Variants in CNTNAP2 observed in about 807,000 individuals in gnomAD.
CNTNAP2 encodes the protein contactin-associated protein-like 2.
Under a neutral mutation model 155.2 loss-of-function variants are expected in CNTNAP2, and 98 were observed. The observed-to-expected ratio is 0.63, with a 90% CI of 0.54 to 0.75. CNTNAP2 has a LOEUF of 0.75. Among genes scored for constraint, CNTNAP2 ranks in the 30% least tolerant of loss-of-function variants. The pLI, the probability that CNTNAP2 is intolerant of heterozygous loss-of-function variation, is 0.00. For synonymous variants in CNTNAP2, 651 were observed against 631.2 expected (o/e 1.03, Z -0.47); for missense variants, 1,727 against 1,688.1 (o/e 1.02, Z -0.40).
intron 15 of CNTNAP2, among the ~76,000 whole-genome samples, chr7:148,027,738 A>G (rs930747387): frequency 6.6e-6 from 1 of 152,232 alleles, no homozygotes; most frequent in Non-Finnish European, 1.5e-5. Flanking sequence ...TATTTTGATT[A>G]TACATGGTCA....
At chr7:146,431,561 G>T (rs1278567027) in intron 1 of CNTNAP2, among the ~76,000 whole-genome samples, 1 of 151,898 alleles carries the variant, frequency 6.6e-6, no homozygotes, top group Non-Finnish European at 1.5e-5. Context: ...TATTTGCCAG[G>T]CATATTTCTA....
chr7:146,853,179 G>C (rs929434471), intron 3 of CNTNAP2, among the ~76,000 whole-genome samples: 1 of 152,142 alleles, frequency 6.6e-6, no homozygotes, highest in African/African-American at 2.4e-5. Flanking sequence ...CACATGATAT[G>C]TTAAATAAAA....
intron 21 of CNTNAP2, among the ~76,000 whole-genome samples, chr7:148,285,885 A>G (rs1462475313): frequency 6.6e-6 from 1 of 152,228 alleles, no homozygotes; most frequent in Non-Finnish European, 1.5e-5. Flanking sequence ...TTGGCTTTTC[A>G]GAAACTTACT....
At chr7:146,415,689 AG>A (rs1795928414) in intron 1 of CNTNAP2, among the ~76,000 whole-genome samples, 1 of 151,260 alleles carries the variant, frequency 6.6e-6, no homozygotes, top group Non-Finnish European at 1.5e-5. Context: ...CTTCCTTATA[AG>A]TTTAAAAAAA....
intron 1 of CNTNAP2, among the ~76,000 whole-genome samples, chr7:146,622,006 C>T (rs1385313672): frequency 1.3e-5 from 2 of 151,976 alleles, no homozygotes; most frequent in Admixed American, 6.6e-5. Flanking sequence ...ATAATTTCAG[C>T]TCTGGCCACT....
chr7:147,211,710 G>T (rs1009328257), intron 8 of CNTNAP2, among the ~76,000 whole-genome samples: 2 of 151,826 alleles, frequency 1.3e-5, no homozygotes, highest in Non-Finnish European at 2.9e-5. Context: ...CCTAGAAGAA[G>T]ACCTAAGAAA....
At chr7:146,622,665 G>A (rs985323390) in intron 1 of CNTNAP2, among the ~76,000 whole-genome samples, 6 of 151,822 alleles carry the variant, frequency 4.0e-5, no homozygotes, top group East Asian at 1.9e-4. Flanking sequence ...AGTAATAAAC[G>A]TGGATCCCAG....
intron 1 of CNTNAP2, among the ~76,000 whole-genome samples, chr7:146,392,010 A>G (rs1795552018): frequency 6.6e-6 from 1 of 152,192 alleles, no homozygotes; most frequent in African/African-American, 2.4e-5. Flanking sequence ...AAAGAAATTC[A>G]TACCAATTTA....
intron 16 of CNTNAP2, among the ~76,000 whole-genome samples, chr7:148,132,192 T>C (rs1003959144): frequency 3.3e-5 from 5 of 152,174 alleles, no homozygotes; most frequent in African/African-American, 1.2e-4. Flanking sequence ...AAGTTATCGT[T>C]CTCAAGATGC....
chr7:146,638,076 C>A (rs1357649899), intron 1 of CNTNAP2, among the ~76,000 whole-genome samples: 1 of 152,116 alleles, frequency 6.6e-6, no homozygotes, highest in Non-Finnish European at 1.5e-5. Flanking sequence ...CAAATCAGTT[C>A]TAGTGATAAA....
At chr7:146,814,079 C>A (rs1017650661) in intron 2 of CNTNAP2, among the ~76,000 whole-genome samples, 3 of 152,180 alleles carry the variant, frequency 2.0e-5, no homozygotes, top group African/African-American at 7.2e-5. Context: ...CAGTCTCAGG[C>A]AGTTCTTTAT....
intron 1 of CNTNAP2, among the ~76,000 whole-genome samples, chr7:146,305,137 T>A (rs1800685901): frequency 6.6e-6 from 1 of 152,090 alleles, no homozygotes; most frequent in Non-Finnish European, 1.5e-5. Flanking sequence ...ATTTAAGGAC[T>A]TCTCTACACT....
intron 1 of CNTNAP2, among the ~76,000 whole-genome samples, chr7:146,160,133 T>A (rs564028840): frequency 6.6e-6 from 1 of 152,316 alleles, no homozygotes; most frequent in African/African-American, 2.4e-5. Flanking sequence ...AAAGATGTTA[T>A]TTGAAACCAA....
intron 13 of CNTNAP2, among the ~76,000 whole-genome samples, chr7:147,727,091 A>G (rs565676647): frequency 8.5e-5 from 13 of 152,050 alleles, no homozygotes; most frequent in African/African-American, 3.1e-4. Context: ...TTTTTAGTAT[A>G]CCAATTAGAC....
At chr7:146,445,999 T>C (rs1029922732) in intron 1 of CNTNAP2, among the ~76,000 whole-genome samples, 1 of 152,164 alleles carries the variant, frequency 6.6e-6, no homozygotes, top group Non-Finnish European at 1.5e-5. Flanking sequence ...AAGTTGCTTC[T>C]TGATGGTTGG....
intron 9 of CNTNAP2, among the ~76,000 whole-genome samples, chr7:147,366,919 A>C (rs1191764585): frequency 6.6e-6 from 1 of 152,164 alleles, no homozygotes; most frequent in Non-Finnish European, 1.5e-5. Flanking sequence ...CTTTCGTAAA[A>C]GTTCCATATT....
intron 1 of CNTNAP2, among the ~76,000 whole-genome samples, chr7:146,722,419 G>C (rs1413020665): frequency 6.6e-6 from 1 of 152,058 alleles, no homozygotes; most frequent in Non-Finnish European, 1.5e-5. Context: ...TTGTAGTAGT[G>C]GCGATTATTG....
At chr7:147,852,719 C>T (rs1178360688) in intron 13 of CNTNAP2, among the ~76,000 whole-genome samples, 1 of 152,142 alleles carries the variant, frequency 6.6e-6, no homozygotes, top group African/African-American at 2.4e-5. Context: ...GATTTTCTTT[C>T]TTTTTCTTTC....
chr7:146,818,233 C>T (rs189482747), intron 2 of CNTNAP2, among the ~76,000 whole-genome samples: 5 of 152,146 alleles, frequency 3.3e-5, no homozygotes, highest in East Asian at 1.9e-4. Context: ...TCATCTTTAA[C>T]CCCAAATTCA....
Sources: gnomAD v4.1 joint callset for allele counts (sites outside exome capture counted in the v4.1 genomes callset) on GRCh38, gnomAD v4.1.1 for gene constraint, MANE v1.5 for transcripts, NCBI Gene and HGNC (gene_info 2026-07-23, HGNC 2026-07-21) for gene names.